The following YTHDC2 variants were observed in gnomAD, a reference collection of about 807,000 sequenced individuals.
The protein encoded by YTHDC2 is 3'-5' RNA helicase YTHDC2.
YTHDC2 carries 45 observed loss-of-function variants against 174.9 expected under a neutral mutation model. The ratio of observed to expected loss-of-function variants is 0.26; its 90% CI spans 0.20 to 0.33. The LOEUF (loss-of-function observed/expected upper bound fraction) is 0.33, where lower values mean the gene tolerates loss of function less well. YTHDC2 is among the 10% of genes least tolerant of loss of function. The pLI is 1.00. For missense variants in YTHDC2, 1,650 were observed against 1,723.7 expected (o/e 0.96, Z 0.76); for synonymous variants, 657 against 574.5 (o/e 1.14, Z -2.05).
intron 12 of YTHDC2, among the ~76,000 whole-genome samples, chr5:113,552,545 T>A (rs966019742): frequency 1.5e-4 from 23 of 152,184 alleles, no homozygotes; most frequent in African/African-American, 5.3e-4. Flanking sequence ...TACCAAGGTT[T>A]GTTTGTATAT....
At position 113,542,961 on chromosome 5, in the gene YTHDC2, A is replaced by G. The variant is rs560908020; in HGVS notation, c.1495+458A>G. Among the ~76,000 whole-genome samples, 12 of 152,030 alleles carry G rather than the reference A, an allele frequency of 7.9e-5. No individual in the cohort carries two copies. In the South Asian group the frequency reaches 1.7e-3, roughly 21 times the overall value. On this transcript the variant is annotated intron_variant, in intron 10 of 29. Transcript: ENST00000161863. Reference sequence around the variant, plus strand: ...TTCATACTTGGCTTATTTTCTTCATATTTCCCTGGCTCTAACTTCTTGGTT... The same window carrying G: ...TTCATACTTGGCTTATTTTCTTCATGTTTCCCTGGCTCTAACTTCTTGGTT...
chr5:113,584,486 G>A lies in YTHDC2; in HGVS notation c.3825+7G>A. On this transcript the variant is annotated splice_region_variant and intron_variant, in intron 26 of 29. Transcript: ENST00000161863. The stretch of plus-strand genomic sequence containing the variant: ...TCCTCCATCCTCAGGAAAGGTAAGA[G>A]TATCTGAAAGAAAATGTAGTAAGGA... 6.3e-7 allele frequency: 1 copy of A among 1,596,860 alleles called. No individual in the cohort carries two copies. The highest frequency in any genetic ancestry group is 8.5e-7 in the Non-Finnish European group (1 of 1,170,830).
intron 4 of YTHDC2, among the ~76,000 whole-genome samples, chr5:113,527,266 A>T (rs548231867): frequency 4.6e-5 from 7 of 152,324 alleles, no homozygotes; most frequent in African/African-American, 1.4e-4. Context: ...ATAGGAACCA[A>T]AGTAAAAGCA....
intron 21 of YTHDC2, 29 bp from the exon 22 acceptor site, chr5:113,567,063 A>G: frequency 6.3e-7 from 1 of 1,597,378 alleles, no homozygotes; most frequent in Non-Finnish European, 8.5e-7. Flanking sequence ...GCACAATAGA[A>G]AAATTGGTGT....
chr5:113,526,812 A>G (rs750459829), intron 4 of YTHDC2, 27 bp downstream of exon 4: 13 of 170,536 alleles, frequency 7.6e-5, no homozygotes, highest in Admixed American at 1.0e-4. Context: ...TTGTTTATAG[A>G]AAAAAAAAAA....
intron 17 of YTHDC2, among the ~76,000 whole-genome samples, chr5:113,557,405 C>T (rs1776685240): frequency 2.0e-5 from 3 of 152,050 alleles, no homozygotes; most frequent in Admixed American, 6.6e-5. Flanking sequence ...CATAGAATGC[C>T]CATGAGGGCT....
At chr5:113,547,032 A>G (rs940159958) in intron 10 of YTHDC2, among the ~76,000 whole-genome samples, 22 of 152,184 alleles carry the variant, frequency 1.4e-4, no homozygotes, top group African/African-American at 5.1e-4. Flanking sequence ...CCAGACTTGC[A>G]CACCACCTCT....
At chr5:113,576,856 T>G (rs952900211) in intron 23 of YTHDC2, among the ~76,000 whole-genome samples, 1 of 152,162 alleles carries the variant, frequency 6.6e-6, no homozygotes, top group Non-Finnish European at 1.5e-5. Flanking sequence ...AGTTCTGAGT[T>G]TTGATTGCTG....
At chr5:113,528,730 G>A (rs1337748052) in intron 4 of YTHDC2, among the ~76,000 whole-genome samples, 1 of 152,020 alleles carries the variant, frequency 6.6e-6, no homozygotes, top group Non-Finnish European at 1.5e-5. Context: ...GCTGGTCTTT[G>A]ACTCCTGGGC....
At chr5:113,538,452 A>T (rs1216851335) in intron 7 of YTHDC2, among the ~76,000 whole-genome samples, 1 of 151,838 alleles carries the variant, frequency 6.6e-6, no homozygotes, top group Non-Finnish European at 1.5e-5. Context: ...CACTCCCACC[A>T]TTTTTCAAGT....
At chr5:113,589,018 CT>C (rs1278137409) in intron 26 of YTHDC2, among the ~76,000 whole-genome samples, 2 of 152,056 alleles carry the variant, frequency 1.3e-5, no homozygotes, top group African/African-American at 4.8e-5. Context: ...ATTGTTTTTA[CT>C]TTACATAGTC....
At chr5:113,537,879 G>A (rs1775190809) in intron 7 of YTHDC2, among the ~76,000 whole-genome samples, 1 of 151,998 alleles carries the variant, frequency 6.6e-6, no homozygotes, top group South Asian at 2.1e-4. Context: ...AAACCTATAA[G>A]TTCTTAACTC....
intron 24 of YTHDC2, among the ~76,000 whole-genome samples, chr5:113,580,659 G>T (rs1778345748): frequency 6.6e-6 from 1 of 152,102 alleles, no homozygotes; most frequent in Admixed American, 6.6e-5. Context: ...TACTTGCCAA[G>T]GTCAACTGTG....
intron 26 of YTHDC2, among the ~76,000 whole-genome samples, chr5:113,589,408 A>AAAATATATAT (rs368975720): frequency 8.4e-4 from 103 of 123,222 alleles, no homozygotes; most frequent in African/African-American, 2.5e-3. Flanking sequence ...AAAAAAAAAA[A>AAAATATATAT]ATATATATAT....
chr5:113,578,140 T>A (rs1019890602), intron 23 of YTHDC2, among the ~76,000 whole-genome samples: 1 of 152,106 alleles, frequency 6.6e-6, no homozygotes, highest in Non-Finnish European at 1.5e-5. Context: ...TTAATAAAAG[T>A]GTCCCTTTTA....
intron 2 of YTHDC2, among the ~76,000 whole-genome samples, chr5:113,518,581 G>C (rs1382786103): frequency 6.6e-6 from 1 of 151,278 alleles, no homozygotes; most frequent in African/African-American, 2.4e-5. Context: ...GTGTGTGTGT[G>C]TGTGTGTGTG....
chr5:113,587,465 T>TATATAAATATATATTATGTATTCATATA (rs1306605028), intron 26 of YTHDC2, among the ~76,000 whole-genome samples: 6 of 123,950 alleles, frequency 4.8e-5, no homozygotes, highest in Admixed American at 2.0e-4. Flanking sequence ...TCATATATAA[T>TATATAAATATATATTATGTATTCATATA]ATATAAATAT....
chr5:113,537,607 T>G (rs1775172543), intron 7 of YTHDC2, among the ~76,000 whole-genome samples: 1 of 151,796 alleles, frequency 6.6e-6, no homozygotes, highest in Non-Finnish European at 1.5e-5. Flanking sequence ...TCCTCTTGTT[T>G]CCTGCCCTAT....
In YTHDC2 at chr5:113,567,686, T is replaced by G. The variant is rs76945231; in HGVS notation, c.3081T>G (p.Ile1027Met). 14,377 of 1,606,346 alleles carry G rather than the reference T, an allele frequency of 9.0e-3. 108 individuals are homozygous for G. The highest frequency in any genetic ancestry group is 0.011 in the Non-Finnish European group (12,989 of 1,177,242). The change falls in exon 23 of 30, where the codon ATT becomes ATG. Residue 1027 changes from isoleucine to methionine, a missense_variant. Ile to Met is a conservative substitution (Grantham distance 10, BLOSUM62 1). Around this residue, in one of 5 missense-constraint regions of YTHDC2, gnomAD observed 913 missense variants for 940.4 expected, o/e 0.97. Coordinates refer to ENST00000161863, the MANE Select transcript of YTHDC2 (RefSeq NM_022828.5). ...IPPANGQAAA[I>M]KALPTDWLIY... Reference sequence around the variant, plus strand: ...CAGCCAATGGTCAAGCTGCAGCAATTAAGGCACTGCCCACAGATTGGCTTA... The same window carrying G: ...CAGCCAATGGTCAAGCTGCAGCAATGAAGGCACTGCCCACAGATTGGCTTA...
Sources: gnomAD v4.1 joint callset for allele counts (sites outside exome capture counted in the v4.1 genomes callset) on GRCh38, gnomAD v4.1.1 for gene constraint, gnomAD v4.1.1 regional missense constraint, MANE v1.5 for transcripts, NCBI Gene and HGNC (gene_info 2026-07-23, HGNC 2026-07-21) for gene names.